Variants in SNTG1 observed in about 807,000 individuals in gnomAD.
SNTG1 encodes the protein gamma-1-syntrophin.
Under a neutral mutation model 74.7 loss-of-function variants are expected in SNTG1, and 39 were observed. The observed-to-expected ratio is 0.52, with a 90% CI of 0.40 to 0.68. The LOEUF is 0.68. Ranked by LOEUF, SNTG1 falls within the 30% of genes least tolerant of loss-of-function variation. The probability of loss-of-function intolerance (pLI) is 0.00; values close to 1 mark genes in which losing one functional copy is unlikely to be tolerated. For synonymous variants in SNTG1, 254 were observed against 217.1 expected (o/e 1.17, Z -1.49); for missense variants, 685 against 609.5 (o/e 1.12, Z -1.30).
rs1410196457 is a variant in SNTG1, at chr8:50,475,247, A to AT, written c.363+24518_363+24519insT. 2.5e-3 allele frequency among the ~76,000 whole-genome samples: 385 copies of AT among 151,550 alleles called. 3 individuals carry two copies. The highest frequency in any genetic ancestry group is 7.7e-3 in the African/African-American group (319 of 41,266). On this transcript the variant is annotated intron_variant, in intron 8 of 18. Transcript: ENST00000642720. Reference sequence around the variant, plus strand: ...TATAATAATAATAATAATAATAATAAAAAAGAGCATGCAGTGGCAAAAAAA... The same window carrying AT: ...TATAATAATAATAATAATAATAATAATAAAAGAGCATGCAGTGGCAAAAAAA...
intron 2 of SNTG1, among the ~76,000 whole-genome samples, chr8:50,207,376 GA>G (rs1563740213): frequency 6.6e-6 from 1 of 152,142 alleles, no homozygotes; most frequent in African/African-American, 2.4e-5. Flanking sequence ...AGTATACTCT[GA>G]TGTAGATTGT....
intron 1 of SNTG1, among the ~76,000 whole-genome samples, chr8:49,990,244 A>G (rs747154275): frequency 6.6e-6 from 1 of 152,058 alleles, no homozygotes; most frequent in Admixed American, 6.5e-5. Flanking sequence ...ATTTCTATAT[A>G]CTATAATGAA....
At chr8:50,510,893 A>G (rs149868644) in intron 9 of SNTG1, among the ~76,000 whole-genome samples, 5 of 152,002 alleles carry the variant, frequency 3.3e-5, no homozygotes, top group Middle Eastern at 3.4e-3. Flanking sequence ...TTTTTTGAAC[A>G]GTTTTTTGTG....
intron 4 of SNTG1, among the ~76,000 whole-genome samples, chr8:50,410,181 A>T (rs1161788392): frequency 1.3e-5 from 2 of 152,174 alleles, no homozygotes; most frequent in Non-Finnish European, 2.9e-5. Context: ...TGAAAATGTG[A>T]TCCAGAGAGA....
intron 15 of SNTG1, among the ~76,000 whole-genome samples, chr8:50,695,305 C>A (rs1180485804): frequency 6.6e-6 from 1 of 151,188 alleles, no homozygotes; most frequent in African/African-American, 2.4e-5. Flanking sequence ...TTTACATTAA[C>A]AACCAATGTT....
intron 11 of SNTG1, among the ~76,000 whole-genome samples, chr8:50,538,166 G>T (rs1220922305): frequency 6.6e-6 from 1 of 152,074 alleles, no homozygotes; most frequent in Non-Finnish European, 1.5e-5. Context: ...ATGAAGAATA[G>T]AAATGTTGCT....
At chr8:50,364,037 A>G (rs1436375136) in intron 2 of SNTG1, among the ~76,000 whole-genome samples, 5 of 152,166 alleles carry the variant, frequency 3.3e-5, no homozygotes, top group African/African-American at 9.7e-5. Flanking sequence ...CTATGACACC[A>G]ACCTGGAAGC....
chr8:50,430,795 T>C (rs1435971968), intron 4 of SNTG1, among the ~76,000 whole-genome samples: 2 of 152,184 alleles, frequency 1.3e-5, no homozygotes, highest in Non-Finnish European at 2.9e-5. Flanking sequence ...AAGAATGACA[T>C]GTTCTTACAA....
chr8:50,638,763 T>G (rs2131158794), intron 13 of SNTG1, among the ~76,000 whole-genome samples: 1 of 152,154 alleles, frequency 6.6e-6, no homozygotes, highest in South Asian at 2.1e-4. Flanking sequence ...GTTTGCCCCA[T>G]AAGTCACTAT....
At chr8:50,141,254 G>C (rs2081646563) in intron 1 of SNTG1, among the ~76,000 whole-genome samples, 1 of 152,154 alleles carries the variant, frequency 6.6e-6, no homozygotes, top group Non-Finnish European at 1.5e-5. Flanking sequence ...TACATCAGAT[G>C]GTAAGTGCAT....
chr8:50,458,368 T>C (rs368977324), intron 8 of SNTG1, among the ~76,000 whole-genome samples: 34 of 152,310 alleles, frequency 2.2e-4, no homozygotes, highest in African/African-American at 7.9e-4. Context: ...ATTAACACTT[T>C]GATATCTATC....
At chr8:50,693,735 A>G (rs1301399198) in intron 15 of SNTG1, among the ~76,000 whole-genome samples, 1 of 152,202 alleles carries the variant, frequency 6.6e-6, no homozygotes, top group Non-Finnish European at 1.5e-5. Flanking sequence ...CAGCAAATTT[A>G]TGAAGATTAA....
rs186161911 is a variant in SNTG1 at position 50,293,294 on chromosome 8, G to T, written c.-27-100918G>T. Among the ~76,000 whole-genome samples the T allele has an allele frequency of 7.2e-5, 11 of 152,054 alleles. No homozygotes were observed. In the East Asian group the frequency reaches 1.7e-3, roughly 24 times the overall value. ...AGGCCTCTCTCCTTGCTTGAAGATT[G>T]TCATCTCCTACCTATGTCTTCACAT... On this transcript the variant is annotated intron_variant, in intron 2 of 18. Coordinates refer to ENST00000642720, the MANE Select transcript of SNTG1 (RefSeq NM_018967.5).
chr8:50,397,777 G>C (rs1253187938), intron 3 of SNTG1, among the ~76,000 whole-genome samples: 1 of 152,114 alleles, frequency 6.6e-6, no homozygotes, highest in African/African-American at 2.4e-5. Flanking sequence ...CTGTGTATGC[G>C]GGATAGCAGA....
chr8:50,710,807 A>T (rs900968379), intron 17 of SNTG1, among the ~76,000 whole-genome samples: 1 of 152,154 alleles, frequency 6.6e-6, no homozygotes, highest in Non-Finnish European at 1.5e-5. Flanking sequence ...CCATCCAGAG[A>T]AAACAGTTTA....
At chr8:49,952,638 A>G (rs1809824176) in intron 1 of SNTG1, among the ~76,000 whole-genome samples, 1 of 152,224 alleles carries the variant, frequency 6.6e-6, no homozygotes, top group Admixed American at 6.5e-5. Flanking sequence ...ACAGCCACCA[A>G]AAAGTATCTG....
chr8:50,658,204 TA>T (rs2095195600), intron 14 of SNTG1, among the ~76,000 whole-genome samples: 1 of 152,106 alleles, frequency 6.6e-6, no homozygotes, highest in South Asian at 2.1e-4. Context: ...GATGTATATT[TA>T]AAAAATATAG....
intron 13 of SNTG1, among the ~76,000 whole-genome samples, chr8:50,633,568 G>T (rs1229717239): frequency 1.3e-5 from 2 of 152,124 alleles, no homozygotes; most frequent in Non-Finnish European, 2.9e-5. Context: ...CAACTTCTGG[G>T]CCCTCATCCC....
chr8:50,473,562 C>G (rs2093670417), intron 8 of SNTG1, among the ~76,000 whole-genome samples: 1 of 152,132 alleles, frequency 6.6e-6, no homozygotes, highest in Non-Finnish European at 1.5e-5. Flanking sequence ...AGTGTCTCCT[C>G]TGGGTTTATA....
Sources: gnomAD v4.1 joint callset for allele counts (sites outside exome capture counted in the v4.1 genomes callset) on GRCh38, gnomAD v4.1.1 for gene constraint, MANE v1.5 for transcripts, NCBI Gene and HGNC (gene_info 2026-07-23, HGNC 2026-07-21) for gene names.